The following RNF212B variants were observed in gnomAD, a reference collection of about 807,000 sequenced individuals.
The protein encoded by RNF212B is E3 ubiquitin-protein ligase RNF212B.
RNF212B carries 52 observed loss-of-function variants against 55.5 expected under a neutral mutation model. The ratio of observed to expected loss-of-function variants is 0.94; its 90% CI spans 0.75 to 1.18. The LOEUF is 1.18. RNF212B is among the 50% of genes most tolerant of loss of function. RNF212B has a pLI of 0.00. For missense variants in RNF212B, 289 were observed against 350.4 expected, an observed-to-expected ratio of 0.82 and a Z score of 1.40; for synonymous variants, 99 against 121.4, an observed-to-expected ratio of 0.82 and a Z score of 1.21.
Position 23,272,733 on chromosome 14 carries a change from C to T in RNF212B, c.835-90C>T, listed in dbSNP as rs113399445. 2.2e-4 allele frequency: 182 copies of T among 812,132 alleles called. 1 individual carries two copies. The highest frequency in any genetic ancestry group is 1.5e-3 in the African/African-American group (87 of 58,788). 50.3% of individuals were successfully genotyped at this position (812,132 alleles called of 1,614,324 possible). The stretch of plus-strand genomic sequence containing the variant: ...GAAGCAAAAGCAGTGGTGTCTGTCT[C>T]GATAAGCTTCATACAACAGGTCAGA... On this transcript the variant is annotated intron_variant, in intron 14 of 14. Transcript: ENST00000430154.
At chr14:23,253,850 A>C (rs369418429) in intron 4 of RNF212B, among the ~76,000 whole-genome samples, 1 of 152,242 alleles carries the variant, frequency 6.6e-6, no homozygotes, top group South Asian at 2.1e-4. Flanking sequence ...TAGGTTTTGA[A>C]TGTCAAAGAG....
At chr14:23,271,639 A>T (rs1201266264) in intron 14 of RNF212B, among the ~76,000 whole-genome samples, 1 of 151,978 alleles carries the variant, frequency 6.6e-6, no homozygotes, top group Non-Finnish European at 1.5e-5. Context: ...CTTTATTTTC[A>T]TCAGTAAGAA....
chr14:23,220,568 G>C (rs1384883547), intron 2 of RNF212B, among the ~76,000 whole-genome samples: 1 of 150,740 alleles, frequency 6.6e-6, no homozygotes, highest in Non-Finnish European at 1.5e-5. Flanking sequence ...GCTCACGCCT[G>C]TAATCCCAGC....
intron 1 of RNF212B, among the ~76,000 whole-genome samples, chr14:23,193,141 C>A (rs2140357644): frequency 6.6e-6 from 1 of 150,404 alleles, no homozygotes; most frequent in Non-Finnish European, 1.5e-5. Flanking sequence ...AATGGCACTG[C>A]CTTTCTCAGC....
At chr14:23,254,768 T>G (rs1884695122) in intron 4 of RNF212B, among the ~76,000 whole-genome samples, 1 of 152,224 alleles carries the variant, frequency 6.6e-6, no homozygotes, top group Non-Finnish European at 1.5e-5. Flanking sequence ...CTTATCATAG[T>G]AAACCTACTA....
At chr14:23,252,324 T>C (rs1308484730) in intron 4 of RNF212B, among the ~76,000 whole-genome samples, 3 of 152,144 alleles carry the variant, frequency 2.0e-5, no homozygotes, top group Admixed American at 2.0e-4. Context: ...AGACCATATA[T>C]GTATTTCTTA....
At position 23,260,692 on chromosome 14, in the gene RNF212B, G is replaced by A; in HGVS notation, c.434+5G>A. 3 of 1,550,400 alleles carry A rather than the reference G, an allele frequency of 1.9e-6. No individual in the cohort carries two copies. Among genetic ancestry groups the A allele is most frequent in the Non-Finnish European group, 2.6e-6 (3 of 1,146,884 alleles). On this transcript the variant is annotated splice_donor_5th_base_variant and intron_variant, in intron 7 of 14. Transcript: ENST00000430154. The stretch of plus-strand genomic sequence containing the variant: ...AAGTCGGTACCAAGGAAGCAGGTCA[G>A]TTTTATCAGCTCCCATACTAGCCCA...
upstream of RNF212B, among the ~76,000 whole-genome samples, chr14:23,236,652 A>C (rs1306052262): frequency 6.6e-6 from 1 of 152,168 alleles, no homozygotes; most frequent in African/African-American, 2.4e-5. Context: ...AAAATTTCTC[A>C]CTTTTAATTG....
At chr14:23,206,442 T>G (rs928046962) in intron 2 of RNF212B, among the ~76,000 whole-genome samples, 2 of 152,196 alleles carry the variant, frequency 1.3e-5, no homozygotes, top group African/African-American at 4.8e-5. Flanking sequence ...TTAGAGCTCT[T>G]TCATATATTT....
At chr14:23,215,152 C>T (rs1232215419) in intron 2 of RNF212B, among the ~76,000 whole-genome samples, 4 of 152,160 alleles carry the variant, frequency 2.6e-5, no homozygotes, top group African/African-American at 9.7e-5. Context: ...TCTCATGAGA[C>T]ATGATGGTTT....
At chr14:23,187,828 G>T (rs978104026) in intron 1 of RNF212B, among the ~76,000 whole-genome samples, 2 of 151,954 alleles carry the variant, frequency 1.3e-5, no homozygotes, top group African/African-American at 4.8e-5. Context: ...AGAGTCCCAG[G>T]GATCACTGCC....
chr14:23,209,390 T>C (rs1404797726), intron 2 of RNF212B, among the ~76,000 whole-genome samples: 1 of 152,190 alleles, frequency 6.6e-6, no homozygotes, highest in Non-Finnish European at 1.5e-5. Flanking sequence ...TCAGCCTCAT[T>C]TTACCCAGCT....
chr14:23,205,995 C>G (rs1322278062), intron 2 of RNF212B, among the ~76,000 whole-genome samples: 1 of 152,158 alleles, frequency 6.6e-6, no homozygotes, highest in African/African-American at 2.4e-5. Context: ...TTAGATATTT[C>G]TAATAGTACT....
intron 2 of RNF212B, among the ~76,000 whole-genome samples, chr14:23,201,048 T>A (rs1465902045): frequency 6.6e-6 from 1 of 152,168 alleles, no homozygotes; most frequent in East Asian, 1.9e-4. Flanking sequence ...AAAAGAAAAG[T>A]TTTAAGACTC....
Position 23,257,894 on chromosome 14 carries a change from T to C in RNF212B, c.229-655T>C, listed in dbSNP as rs548741320. Among the ~76,000 whole-genome samples, 7 of 152,328 alleles carry C rather than the reference T, an allele frequency of 4.6e-5. No individual in the cohort carries two copies. In the South Asian group the frequency reaches 1.4e-3, roughly 32 times the overall value. ...GGTCACCAAGGCTGTGTAATAGCTATGAATGTGGAGGCTGATCCAAACTAA... is the reference window on the plus strand; with the variant it reads ...GGTCACCAAGGCTGTGTAATAGCTACGAATGTGGAGGCTGATCCAAACTAA... On this transcript the variant is annotated intron_variant, in intron 4 of 14. Transcript: ENST00000430154.
intron 2 of RNF212B, among the ~76,000 whole-genome samples, chr14:23,207,810 A>C (rs189865786): frequency 4.6e-4 from 70 of 152,336 alleles, no homozygotes; most frequent in Non-Finnish European, 7.9e-4. Flanking sequence ...GTCGGGGTAC[A>C]GCTTAGTTTT....
At chr14:23,260,798 T>C in intron 7 of RNF212B, 111 bp downstream of exon 7, 5 of 998,464 alleles carry the variant, frequency 5.0e-6, no homozygotes, top group Non-Finnish European at 7.6e-6. Context: ...GAATTTAGCT[T>C]TCACTTCTCC....
chr14:23,270,111 A>G (rs758358670), intron 13 of RNF212B, among the ~76,000 whole-genome samples, 151 bp downstream of exon 13: 27 of 152,104 alleles, frequency 1.8e-4, no homozygotes, highest in South Asian at 4.1e-4. Context: ...GAGCCATCCC[A>G]TTTTCTTCAG....
chr14:23,258,779 T>C, intron 5 of RNF212B, 115 bp downstream of exon 5: 1 of 462,558 alleles, frequency 2.2e-6, no homozygotes, highest in Middle Eastern at 5.5e-4. Context: ...TTTGTTTGTT[T>C]GGGAAAATCA....
Sources: allele counts gnomAD v4.1 joint callset (sites outside exome capture counted in the v4.1 genomes callset), GRCh38; gene constraint gnomAD v4.1.1; transcripts MANE v1.5; gene names NCBI Gene and HGNC (gene_info 2026-07-23, HGNC 2026-07-21).